Variants in LINGO2 observed in about 807,000 individuals in gnomAD.
The protein encoded by LINGO2 is leucine rich repeat and Ig domain containing 2.
LINGO2 carries 14 observed loss-of-function variants against 30.6 expected under a neutral mutation model. The observed-to-expected ratio is 0.46, with a 90% confidence interval of 0.30 to 0.72. The LOEUF (loss-of-function observed/expected upper bound fraction) is 0.72, where lower values mean the gene tolerates loss of function less well. Among genes scored for constraint, LINGO2 ranks in the 30% least tolerant of loss-of-function variants. The probability of loss-of-function intolerance (pLI) is 0.07; values close to 1 mark genes in which losing one functional copy is unlikely to be tolerated. For missense variants in LINGO2, 729 were observed against 751.7 expected (o/e 0.97, Z 0.35); for synonymous variants, 317 against 288.5 (o/e 1.10, Z -1.00).
chr9:28,400,898 T>C (rs1410295680), intron 2 of LINGO2, among the ~76,000 whole-genome samples: 1 of 152,190 alleles, frequency 6.6e-6, no homozygotes, highest in Non-Finnish European at 1.5e-5. Context: ...ATTGGAAAGA[T>C]ATATTTTAAT....
At chr9:28,709,511 T>C in the LINGO2 span, among the ~76,000 whole-genome samples, 3 of 152,146 alleles carry the variant, frequency 2.0e-5, no homozygotes, top group East Asian at 1.9e-4. Context: ...TGTTCCAAGC[T>C]TTCCTTAAAT....
At chr9:27,988,061 T>C (rs1821210472) in intron 5 of LINGO2, among the ~76,000 whole-genome samples, 1 of 152,038 alleles carries the variant, frequency 6.6e-6, no homozygotes, top group Non-Finnish European at 1.5e-5. Flanking sequence ...GTCCAAGTGT[T>C]CTCATAGTTT....
At chr9:28,538,084 T>C (rs1211099627) in intron 1 of LINGO2, among the ~76,000 whole-genome samples, 1 of 152,014 alleles carries the variant, frequency 6.6e-6, no homozygotes, top group Non-Finnish European at 1.5e-5. Flanking sequence ...TATACCTAGT[T>C]GGGATTTTAA....
chr9:28,094,040 T>G (rs1455000147), intron 4 of LINGO2, among the ~76,000 whole-genome samples: 1 of 152,074 alleles, frequency 6.6e-6, no homozygotes, highest in African/African-American at 2.4e-5. Flanking sequence ...AGGCAATCAA[T>G]AAATGTGATC....
At chr9:28,772,193 G>A in the LINGO2 span, among the ~76,000 whole-genome samples, 3 of 152,184 alleles carry the variant, frequency 2.0e-5, no homozygotes, top group Non-Finnish European at 4.4e-5. Context: ...TTATACATCT[G>A]TGTCTTGCAA....
At chr9:28,950,686 A>G in the LINGO2 span, among the ~76,000 whole-genome samples, 4 of 152,174 alleles carry the variant, frequency 2.6e-5, no homozygotes. Context: ...TACAAGTTAC[A>G]AGGGATGTGA....
chr9:28,209,138 C>A (rs7860608), intron 4 of LINGO2, among the ~76,000 whole-genome samples: 16,499 of 151,994 alleles, frequency 0.11, 967 homozygotes, highest in Middle Eastern at 0.15. Context: ...AATCTTTCAT[C>A]CCAATTTTTC....
At chr9:28,064,749 C>G (rs559579807) in intron 4 of LINGO2, among the ~76,000 whole-genome samples, 8 of 152,194 alleles carry the variant, frequency 5.3e-5, no homozygotes, top group African/African-American at 1.9e-4. Context: ...GGGCTCACTT[C>G]CTAATTAACC....
the LINGO2 span, among the ~76,000 whole-genome samples, chr9:28,854,587 C>T: frequency 6.6e-6 from 1 of 151,812 alleles, no homozygotes; most frequent in Non-Finnish European, 1.5e-5. Context: ...CCCTTAGCCA[C>T]AATATTTAAA....
At chr9:29,124,789 A>G in the LINGO2 span, among the ~76,000 whole-genome samples, 1 of 152,172 alleles carries the variant, frequency 6.6e-6, no homozygotes, top group African/African-American at 2.4e-5. Flanking sequence ...GTGGAGAAAT[A>G]GGAACATTTT....
At chr9:28,032,665 G>A (rs977378786) in intron 4 of LINGO2, among the ~76,000 whole-genome samples, 2 of 152,154 alleles carry the variant, frequency 1.3e-5, no homozygotes, top group African/African-American at 4.8e-5. Flanking sequence ...CATCGTCCCA[G>A]AACTAGTTGG....
At chr9:28,646,684 G>T (rs1314097512) in intron 1 of LINGO2, among the ~76,000 whole-genome samples, 2 of 151,940 alleles carry the variant, frequency 1.3e-5, no homozygotes, top group Non-Finnish European at 2.9e-5. Context: ...ATGTCTCCAG[G>T]TCTCCATTGT....
At chr9:28,805,693 A>C in the LINGO2 span, among the ~76,000 whole-genome samples, 2 of 152,192 alleles carry the variant, frequency 1.3e-5, no homozygotes, top group Admixed American at 1.3e-4. Flanking sequence ...TGGAAACTGC[A>C]TATCTCTAAG....
At chr9:28,921,271 A>T in the LINGO2 span, among the ~76,000 whole-genome samples, 1 of 152,150 alleles carries the variant, frequency 6.6e-6, no homozygotes, top group African/African-American at 2.4e-5. Context: ...TTCATATTTC[A>T]CCTGTAAATG....
intron 1 of LINGO2, among the ~76,000 whole-genome samples, chr9:28,553,589 G>A (rs959406458): frequency 5.9e-5 from 9 of 152,110 alleles, no homozygotes; most frequent in African/African-American, 2.2e-4. Context: ...ATATTATCCA[G>A]GAGAACTTCC....
the LINGO2 span, among the ~76,000 whole-genome samples, chr9:28,906,620 A>G: frequency 6.6e-6 from 1 of 151,892 alleles, no homozygotes; most frequent in Non-Finnish European, 1.5e-5. Context: ...ATCCATCTAC[A>G]AAAGTCACCA....
intron 1 of LINGO2, among the ~76,000 whole-genome samples, chr9:28,594,444 T>C (rs1825074568): frequency 6.6e-6 from 1 of 152,068 alleles, no homozygotes; most frequent in Admixed American, 6.6e-5. Flanking sequence ...CTCCACTAAG[T>C]CAAACTGCTT....
chr9:28,713,772 A>G, the LINGO2 span, among the ~76,000 whole-genome samples: 2 of 152,276 alleles, frequency 1.3e-5, no homozygotes, highest in African/African-American at 2.4e-5. Flanking sequence ...CAAAATTCAT[A>G]TCTGGCATTG....
At chr9:29,145,869 A>G in the LINGO2 span, among the ~76,000 whole-genome samples, 1 of 152,204 alleles carries the variant, frequency 6.6e-6, no homozygotes, top group African/African-American at 2.4e-5. Flanking sequence ...AAGAATCTCT[A>G]TATAAACACA....
Sources: allele counts gnomAD v4.1 joint callset (sites outside exome capture counted in the v4.1 genomes callset), GRCh38; gene constraint gnomAD v4.1.1; transcripts MANE v1.5; gene names NCBI Gene and HGNC (gene_info 2026-07-23, HGNC 2026-07-21).